Variants in DHRSX observed in about 807,000 individuals in gnomAD.
DHRSX encodes dehydrogenase/reductase X-linked.
In DHRSX, 31 loss-of-function variants were observed where a neutral mutation model predicts 34.0. The observed-to-expected ratio is 0.91, with a 90% confidence interval of 0.69 to 1.23. The LOEUF is 1.23. Among genes scored for constraint, DHRSX ranks in the 50% most tolerant of loss-of-function variants. The probability of loss-of-function intolerance (pLI) is 0.00; values close to 1 mark genes in which losing one functional copy is unlikely to be tolerated. For synonymous variants in DHRSX, 201 were observed against 183.8 expected, an observed-to-expected ratio of 1.09 and a Z score of -0.76; for missense variants, 414 against 428.1, an observed-to-expected ratio of 0.97 and a Z score of 0.29.
At chrX:2,436,705 C>CAGA (rs1255769220) in intron 1 of DHRSX, among the ~76,000 whole-genome samples, 1 of 151,510 alleles carries the variant, frequency 6.6e-6, no homozygotes, top group Non-Finnish European at 1.5e-5. Flanking sequence ...CTCCATTGTT[C>CAGA]AGGCTGATCT....
At chrX:2,287,674 C>A (rs781275958) in intron 4 of DHRSX, among the ~76,000 whole-genome samples, 1 of 149,974 alleles carries the variant, frequency 6.7e-6, no homozygotes, top group East Asian at 2.0e-4. Flanking sequence ...ATGTGGAAGC[C>A]GAACAATGGC....
chrX:2,258,626 T>C (rs771505790), intron 5 of DHRSX, among the ~76,000 whole-genome samples: 7 of 152,186 alleles, frequency 4.6e-5, no homozygotes, highest in Non-Finnish European at 8.8e-5. Flanking sequence ...CCTCCAGGAC[T>C]GTGGGAGGCT....
At chrX:2,397,271 A>T (rs190826654) in intron 3 of DHRSX, among the ~76,000 whole-genome samples, 1 of 152,196 alleles carries the variant, frequency 6.6e-6, no homozygotes, top group East Asian at 1.9e-4. Context: ...AGTAGCTGGG[A>T]CCACAGTGCA....
chrX:2,224,659 CACAT>C lies in DHRSX; in HGVS notation c.805-3434_805-3431del, dbSNP rs373419601. On this transcript the variant is annotated intron_variant, in intron 6 of 6. Transcript: ENST00000334651. ...ATGGTCACTTACATGCTGACATGCA[CACAT>C]ACATTCGTATGTACTCACATGCACA... 1.0e-3 allele frequency among the ~76,000 whole-genome samples: 154 copies of C among 151,652 alleles called. 1 individual carries two copies. In the Middle Eastern group the frequency reaches 0.014, roughly 13 times the overall value.
chrX:2,371,097 T>C (rs2043052978), intron 3 of DHRSX, among the ~76,000 whole-genome samples: 1 of 151,586 alleles, frequency 6.6e-6, no homozygotes, highest in African/African-American at 2.4e-5. Context: ...CTTGTTACAA[T>C]AGTTCCTCCC....
intron 1 of DHRSX, among the ~76,000 whole-genome samples, chrX:2,484,602 A>C (rs1295179325): frequency 6.6e-6 from 1 of 152,146 alleles, no homozygotes; most frequent in Non-Finnish European, 1.5e-5. Context: ...GTTTTGCTGC[A>C]GACGGTCCTG....
chrX:2,333,708 C>T (rs1395052481), intron 3 of DHRSX, among the ~76,000 whole-genome samples: 3 of 152,078 alleles, frequency 2.0e-5, no homozygotes, highest in East Asian at 1.9e-4. Context: ...CCACTGCGCC[C>T]GGCCAATAGG....
chrX:2,412,350 C>T (rs1393727712), intron 2 of DHRSX, among the ~76,000 whole-genome samples: 2 of 152,150 alleles, frequency 1.3e-5, no homozygotes, highest in African/African-American at 4.8e-5. Flanking sequence ...TCCCAAAGTG[C>T]TGGGATGACA....
intron 1 of DHRSX, among the ~76,000 whole-genome samples, chrX:2,451,463 TG>T (rs2044216700): frequency 6.6e-6 from 1 of 152,084 alleles, no homozygotes; most frequent in Admixed American, 6.6e-5. Flanking sequence ...CTGATCTGGG[TG>T]GGGCTGGGAG....
chrX:2,284,172 G>C (rs1413732393), intron 4 of DHRSX, among the ~76,000 whole-genome samples: 2 of 140,610 alleles, frequency 1.4e-5, no homozygotes, highest in African/African-American at 5.0e-5. Flanking sequence ...TCATTCCTTT[G>C]AATTCATACA....
At chrX:2,416,330 A>C (rs1035988752) in intron 2 of DHRSX, among the ~76,000 whole-genome samples, 4 of 151,942 alleles carry the variant, frequency 2.6e-5, no homozygotes, top group African/African-American at 9.7e-5. Context: ...ACTAAACTTC[A>C]TTATAACCCA....
chrX:2,294,824 G>C (rs1602887857), intron 3 of DHRSX, among the ~76,000 whole-genome samples: 1 of 146,858 alleles, frequency 6.8e-6, no homozygotes, highest in African/African-American at 2.4e-5. Context: ...GAGAGGGAGA[G>C]AGAGAGGGAG....
At chrX:2,443,398 C>A (rs2044086698) in intron 1 of DHRSX, among the ~76,000 whole-genome samples, 1 of 151,884 alleles carries the variant, frequency 6.6e-6, no homozygotes, top group Non-Finnish European at 1.5e-5. Flanking sequence ...TACAGAAAAC[C>A]AAAGGCAAAC....
At chrX:2,386,096 G>A (rs2043267564) in intron 3 of DHRSX, among the ~76,000 whole-genome samples, 3 of 152,068 alleles carry the variant, frequency 2.0e-5, no homozygotes, top group Admixed American at 2.0e-4. Flanking sequence ...AGGGTCAACA[G>A]TTTCCAGATT....
chrX:2,339,463 T>G (rs1052474261), intron 3 of DHRSX, among the ~76,000 whole-genome samples: 1 of 151,944 alleles, frequency 6.6e-6, no homozygotes, highest in Non-Finnish European at 1.5e-5. Flanking sequence ...TAGTGGTGAT[T>G]TGTGAGATTT....
chrX:2,355,046 C>T (rs1322804076), intron 3 of DHRSX, among the ~76,000 whole-genome samples: 3 of 151,892 alleles, frequency 2.0e-5, no homozygotes, highest in Admixed American at 6.6e-5. Context: ...TTATGTGGGG[C>T]GAGGCAGAAG....
chrX:2,465,809 C>CAAAAAAAA (rs375728172), intron 1 of DHRSX, among the ~76,000 whole-genome samples: 10 of 84,722 alleles, frequency 1.2e-4, no homozygotes, highest in African/African-American at 3.2e-4. Context: ...AACTCCATCG[C>CAAAAAAAA]AAAAAAAAAA....
intron 6 of DHRSX, among the ~76,000 whole-genome samples, chrX:2,238,538 G>T (rs1444811523): frequency 6.6e-6 from 1 of 151,960 alleles, no homozygotes; most frequent in Admixed American, 6.6e-5. Context: ...ATGTCACACA[G>T]ATTCTCCCCA....
chrX:2,500,024 C>G (rs1889139846), intron 1 of DHRSX, among the ~76,000 whole-genome samples: 1 of 152,056 alleles, frequency 6.6e-6, no homozygotes, highest in Admixed American at 6.6e-5. Flanking sequence ...CTTCCTATTA[C>G]AAAAAATAAT....
Sources: allele counts gnomAD v4.1 joint callset (sites outside exome capture counted in the v4.1 genomes callset), GRCh38; gene constraint gnomAD v4.1.1; transcripts MANE v1.5; gene names NCBI Gene and HGNC (gene_info 2026-07-23, HGNC 2026-07-21).